The following TRAT1 variants were observed in gnomAD, a reference collection of about 807,000 sequenced individuals.
TRAT1 encodes T cell receptor associated transmembrane adaptor 1, also known as T-cell receptor-associated transmembrane adapter 1.
TRAT1 carries 20 observed loss-of-function variants against 20.0 expected under a neutral mutation model. That is an observed-to-expected ratio of 1.00 (90% confidence interval 0.70 to 1.45). The LOEUF (loss-of-function observed/expected upper bound fraction) is 1.45, where lower values mean the gene tolerates loss of function less well. Ranked by LOEUF, TRAT1 falls within the 40% of genes most tolerant of loss-of-function variation. The pLI is 0.00. For synonymous variants in TRAT1, 77 were observed against 74.2 expected (o/e 1.04, Z -0.20); for missense variants, 237 against 224.1 (o/e 1.06, Z -0.37).
At chr3:108,846,866 T>C (rs9847594) in intron 3 of TRAT1, among the ~76,000 whole-genome samples, 1,635 of 152,290 alleles carry the variant, frequency 0.011, 27 homozygotes, top group African/African-American at 0.037. Flanking sequence ...ACCAACTTTT[T>C]AAATTCACAC....
At chr3:108,831,857 A>G (rs762219493) in intron 2 of TRAT1, among the ~76,000 whole-genome samples, 28 of 152,166 alleles carry the variant, frequency 1.8e-4, no homozygotes, top group Non-Finnish European at 1.5e-4. Context: ...AGGTGTTTAA[A>G]TACCAAGAAA....
intron 2 of TRAT1, 113 bp from the exon 3 acceptor site, chr3:108,838,821 G>A: frequency 1.2e-6 from 1 of 834,948 alleles, no homozygotes; most frequent in Non-Finnish European, 2.0e-6. Flanking sequence ...GAGAGCCTTG[G>A]TCAAATATAT....
At chr3:108,835,389 T>C (rs1945829779) in intron 2 of TRAT1, among the ~76,000 whole-genome samples, 3 of 152,356 alleles carry the variant, frequency 2.0e-5, no homozygotes, top group South Asian at 2.1e-4. Flanking sequence ...CTAAATGTCA[T>C]TGAAATCACC....
chr3:108,849,888 T>C (rs1281427026), intron 5 of TRAT1, among the ~76,000 whole-genome samples: 1 of 152,240 alleles, frequency 6.6e-6, no homozygotes, highest in African/African-American at 2.4e-5. Context: ...GTTCTAACTT[T>C]ATTAAAAGCC....
intron 2 of TRAT1, among the ~76,000 whole-genome samples, chr3:108,837,592 A>G (rs1171763841): frequency 6.6e-6 from 1 of 152,228 alleles, no homozygotes; most frequent in African/African-American, 2.4e-5. Context: ...GAGTGTTTTC[A>G]CATGTTCAAG....
At position 108,847,143 on chromosome 3, in the gene TRAT1, A is replaced by G; in HGVS notation, c.214+14A>G. 1 of 1,470,308 alleles carries G rather than the reference A, an allele frequency of 6.8e-7. No homozygotes were observed. The highest frequency in any genetic ancestry group is 9.4e-7 in the Non-Finnish European group (1 of 1,068,466). 91.1% of individuals were successfully genotyped at this position (1,470,308 alleles called of 1,614,324 possible). A position where few individuals can be genotyped will look rare whatever the true frequency, so the allele number is the denominator to read the frequency against. ...ATATGATTTCAGGTAAGTTTTCCAT[A>G]AGTTAAATTTATAAATAAGTAAATC... is the stretch of plus-strand genomic sequence containing the variant. On this transcript the variant is annotated intron_variant, in intron 4 of 5. Transcript: ENST00000295756.
At chr3:108,849,571 G>T (rs1390090175) in intron 5 of TRAT1, among the ~76,000 whole-genome samples, 3 of 152,184 alleles carry the variant, frequency 2.0e-5, no homozygotes, top group Admixed American at 6.5e-5. Flanking sequence ...GTGACACACG[G>T]ATAATGCTCA....
chr3:108,833,929 C>A (rs535331356), intron 2 of TRAT1, among the ~76,000 whole-genome samples: 17 of 152,188 alleles, frequency 1.1e-4, no homozygotes, highest in African/African-American at 3.9e-4. Flanking sequence ...CTTCTTTCCA[C>A]AAATAATTAT....
At chr3:108,827,384 A>ATG (rs71103493) in intron 1 of TRAT1, among the ~76,000 whole-genome samples, 4,324 of 145,146 alleles carry the variant, frequency 0.03, 133 homozygotes, top group African/African-American at 0.079. Context: ...GTATGTGTGT[A>ATG]TGTGTGTGTG....
At position 108,827,376 on chromosome 3, in the gene TRAT1, A is replaced by G. The variant is rs115752053; in HGVS notation, c.8-3294A>G. On this transcript the variant is annotated intron_variant, in intron 1 of 5. Transcript: ENST00000295756. ...TACTGGGTAAGGGGAGGTATAAAGTATGTGTGTATGTGTGTGTGTGTGTGT... is the reference window on the plus strand; with the variant it reads ...TACTGGGTAAGGGGAGGTATAAAGTGTGTGTGTATGTGTGTGTGTGTGTGT... Among the ~76,000 whole-genome samples, 790 of 108,940 alleles carry G rather than the reference A, an allele frequency of 7.3e-3. 3 individuals are homozygous for G. The highest frequency in any genetic ancestry group is 0.025 in the African/African-American group (742 of 29,250). 71.5% of individuals were successfully genotyped at this position (108,940 alleles called of 152,430 possible).
At chr3:108,830,291 T>C (rs929804725) in intron 1 of TRAT1, among the ~76,000 whole-genome samples, 1 of 152,194 alleles carries the variant, frequency 6.6e-6, no homozygotes, top group Non-Finnish European at 1.5e-5. Context: ...GCGTGTATGA[T>C]TACAGTCTGA....
chr3:108,834,688 G>T (rs1268862449), intron 2 of TRAT1, among the ~76,000 whole-genome samples: 6 of 152,212 alleles, frequency 3.9e-5, no homozygotes, highest in Non-Finnish European at 8.8e-5. Flanking sequence ...CTTTGTGGCT[G>T]AGAAATTTGC....
intron 2 of TRAT1, among the ~76,000 whole-genome samples, chr3:108,832,180 A>T (rs1487281807): frequency 2.0e-5 from 3 of 152,208 alleles, no homozygotes; most frequent in African/African-American, 7.2e-5. Flanking sequence ...ACATCTATTC[A>T]ATAGCAAAAT....
chr3:108,848,930 T>G (rs970364066), intron 4 of TRAT1, among the ~76,000 whole-genome samples: 1 of 152,208 alleles, frequency 6.6e-6, no homozygotes. Flanking sequence ...GATCTAGTTC[T>G]TATTCCAAGG....
intron 1 of TRAT1, among the ~76,000 whole-genome samples, chr3:108,830,299 T>G (rs977531667): frequency 2.6e-5 from 4 of 152,242 alleles, no homozygotes; most frequent in African/African-American, 9.6e-5. Context: ...GATTACAGTC[T>G]GAGGATTAAA....
intron 3 of TRAT1, among the ~76,000 whole-genome samples, chr3:108,840,396 G>A (rs1945883460): frequency 6.6e-6 from 1 of 152,208 alleles, no homozygotes. Flanking sequence ...CAATTAAGAT[G>A]CAATGTGATA....
intron 1 of TRAT1, among the ~76,000 whole-genome samples, chr3:108,824,861 G>A (rs1239010391): frequency 6.6e-6 from 1 of 152,224 alleles, no homozygotes; most frequent in Admixed American, 6.5e-5. Flanking sequence ...AGCATGGGAA[G>A]ACCAAAGACG....
intron 1 of TRAT1, among the ~76,000 whole-genome samples, chr3:108,826,215 T>C (rs552198338): frequency 3.9e-5 from 2 of 51,206 alleles, no homozygotes; most frequent in East Asian, 6.0e-3. Flanking sequence ...TTTACAATTG[T>C]CTTAGTGAGA....
chr3:108,847,237 G>A lies in TRAT1; in HGVS notation c.214+108G>A, dbSNP rs1049171855. 4.8e-6 allele frequency: 3 copies of A among 619,896 alleles called. No homozygotes were observed. The African/African-American group carries it at 5.7e-5, about 12-fold the overall frequency. The allele number at this position is 619,896 out of a possible 1,614,324, so 38.4% of individuals were successfully genotyped here. Reference sequence around the variant, plus strand: ...TCAAATCACACTTAGCTATCCCAGTGATAACCATCAATTCAAGAACTTTTA... The same window carrying A: ...TCAAATCACACTTAGCTATCCCAGTAATAACCATCAATTCAAGAACTTTTA... On this transcript the variant is annotated intron_variant, in intron 4 of 5. Transcript: ENST00000295756.
Sources: gnomAD v4.1 joint callset for allele counts (sites outside exome capture counted in the v4.1 genomes callset) on GRCh38, gnomAD v4.1.1 for gene constraint, MANE v1.5 for transcripts, NCBI Gene and HGNC (gene_info 2026-07-23, HGNC 2026-07-21) for gene names.